ARID1B: variants seen among roughly 807,000 people sequenced by gnomAD.
ARID1B encodes the protein AT-rich interaction domain 1B, also known as AT-rich interactive domain-containing protein 1B.
ARID1B carries 30 observed loss-of-function variants against 212.3 expected under a neutral mutation model. That is an observed-to-expected ratio of 0.14 (90% confidence interval 0.11 to 0.19). ARID1B has a LOEUF of 0.19. ARID1B is among the 10% of genes least tolerant of loss of function. The pLI, the probability that ARID1B is intolerant of heterozygous loss-of-function variation, is 1.00. For synonymous variants in ARID1B, 1,402 were observed against 1,301.7 expected (o/e 1.08, Z -1.66); for missense variants, 2,891 against 3,204.0 (o/e 0.90, Z 2.36).
chr6:157,147,135 G>A (rs554649159), intron 7 of ARID1B, among the ~76,000 whole-genome samples: 1 of 151,914 alleles, frequency 6.6e-6, no homozygotes, highest in Non-Finnish European at 1.5e-5. Context: ...TGATTTACTT[G>A]AATCTATCTA....
intron 1 of ARID1B, among the ~76,000 whole-genome samples, chr6:156,787,806 G>T (rs1779745796): frequency 6.6e-6 from 1 of 152,038 alleles, no homozygotes; most frequent in African/African-American, 2.4e-5. Flanking sequence ...CTATGATGAG[G>T]CATCCTGACA....
intron 4 of ARID1B, among the ~76,000 whole-genome samples, chr6:156,964,959 C>G (rs1472845914): frequency 6.6e-6 from 1 of 152,168 alleles, no homozygotes; most frequent in Non-Finnish European, 1.5e-5. Flanking sequence ...CTCAAAGCCG[C>G]ATGATGGTTT....
intron 5 of ARID1B, among the ~76,000 whole-genome samples, chr6:157,101,511 T>G (rs1271574319): frequency 1.3e-5 from 2 of 152,186 alleles, no homozygotes; most frequent in Non-Finnish European, 2.9e-5. Context: ...TGAGGATGAT[T>G]GGCCAAGAAA....
rs557560602 is a variant in ARID1B, at chr6:157,184,217, G to A, written c.3715-14G>A. On this transcript the variant is annotated splice_polypyrimidine_tract_variant and intron_variant, in intron 12 of 19. Coordinates refer to ENST00000636930, the MANE Select transcript of ARID1B (RefSeq NM_001374828.1). Reference sequence around the variant, plus strand: ...TTTGTTGCAAACCAATGATCCTGCCGTGTTTTTCACTAGGTTAATAAAAAC... The same window carrying A: ...TTTGTTGCAAACCAATGATCCTGCCATGTTTTTCACTAGGTTAATAAAAAC... 85 of 1,592,914 alleles carry A rather than the reference G, an allele frequency of 5.3e-5. No individual in the cohort carries two copies. The highest frequency in any genetic ancestry group is 3.0e-4 in the South Asian group (27 of 88,850).
At chr6:157,185,528 C>T (rs1792913434) in intron 13 of ARID1B, 1 of 152,180 alleles carries the variant, frequency 6.6e-6, no homozygotes, top group East Asian at 1.9e-4. Context: ...TTTTAAAATC[C>T]ATGAGAAAAT....
chr6:156,862,059 G>C (rs1785370760), intron 2 of ARID1B, among the ~76,000 whole-genome samples: 1 of 152,242 alleles, frequency 6.6e-6, no homozygotes, highest in Non-Finnish European at 1.5e-5. Flanking sequence ...AGGGAAGACA[G>C]TGACGTTGCT....
intron 4 of ARID1B, among the ~76,000 whole-genome samples, chr6:157,057,589 C>T (rs1056587004): frequency 2.0e-5 from 3 of 152,062 alleles, no homozygotes; most frequent in Non-Finnish European, 2.9e-5. Context: ...ATGCTTGGCA[C>T]GTTATTTTGA....
intron 1 of ARID1B, among the ~76,000 whole-genome samples, chr6:156,788,273 T>C (rs1779780023): frequency 6.6e-6 from 1 of 152,126 alleles, no homozygotes; most frequent in Non-Finnish European, 1.5e-5. Context: ...TGCAAATACA[T>C]AGATTTTTGC....
chr6:156,784,281 C>G (rs1388747960), intron 1 of ARID1B, among the ~76,000 whole-genome samples: 1 of 152,140 alleles, frequency 6.6e-6, no homozygotes, highest in Non-Finnish European at 1.5e-5. Context: ...GAATCCCAAA[C>G]CCTGTTCCCT....
At chr6:157,164,777 C>T (rs1332038227) in intron 8 of ARID1B, 1 of 152,160 alleles carries the variant, frequency 6.6e-6, no homozygotes, top group African/African-American at 2.4e-5. Flanking sequence ...ATAGATGAAG[C>T]TAAGTGGAGA....
At chr6:156,983,094 CAA>C (rs373895831) in intron 4 of ARID1B, among the ~76,000 whole-genome samples, 7 of 109,128 alleles carry the variant, frequency 6.4e-5, no homozygotes, top group Non-Finnish European at 5.8e-5. Flanking sequence ...GACCCTGTCT[CAA>C]AAAAAAAAAA....
At chr6:157,020,550 G>C (rs1583159531) in intron 4 of ARID1B, among the ~76,000 whole-genome samples, 1 of 152,244 alleles carries the variant, frequency 6.6e-6, no homozygotes, top group Non-Finnish European at 1.5e-5. Flanking sequence ...TTTTCTTTCT[G>C]ATGCTGTTGG....
rs1778942165 is a variant in ARID1B, at chr6:156,778,956, G to A, written c.1276G>A (p.Ala426Thr). 2 of 1,287,870 alleles carry A rather than the reference G, an allele frequency of 1.6e-6. No homozygotes were observed. Among genetic ancestry groups the A allele is most frequent in the South Asian group, 3.0e-5 (1 of 33,104 alleles). 79.8% of individuals were successfully genotyped at this position (1,287,870 alleles called of 1,614,324 possible). A position where few individuals can be genotyped will look rare whatever the true frequency, so the allele number is the denominator to read the frequency against. ...GAGAGAVAAA[A>T]AAAAAAAGGG... is the part of the protein sequence containing the mutation. The stretch of plus-strand genomic sequence containing the variant: ...AGGAGCGGGAGCTGTGGCGGCGGCG[G>A]CCGCGGCGGCGGCGGCAGCAGCAGG... The change falls in exon 1 of 20, where the codon GCC (alanine) becomes ACC (threonine). Residue 426 changes from alanine (A) to threonine (T), a missense_variant. Coordinates refer to ENST00000636930, the MANE Select transcript of ARID1B (RefSeq NM_001374828.1).
At chr6:156,926,106 G>A (rs1375283170) in intron 3 of ARID1B, among the ~76,000 whole-genome samples, 1 of 152,200 alleles carries the variant, frequency 6.6e-6, no homozygotes, top group Non-Finnish European at 1.5e-5. Context: ...TGGTGAAATA[G>A]GACACCAGGC....
chr6:157,142,585 C>T (rs1789445737), intron 7 of ARID1B, among the ~76,000 whole-genome samples: 1 of 152,136 alleles, frequency 6.6e-6, no homozygotes, highest in South Asian at 2.1e-4. Context: ...GGGATCACGT[C>T]ACTGCACTCC....
chr6:156,956,345 A>C (rs920725070), intron 4 of ARID1B, among the ~76,000 whole-genome samples: 6 of 152,164 alleles, frequency 3.9e-5, no homozygotes, highest in African/African-American at 1.4e-4. Flanking sequence ...AGTTCTGGGC[A>C]TGGGAACCTG....
intron 4 of ARID1B, among the ~76,000 whole-genome samples, chr6:156,962,380 A>G (rs1369721941): frequency 1.3e-5 from 2 of 152,224 alleles, no homozygotes. Flanking sequence ...GTTATTTCTA[A>G]AAAGCTGTGT....
intron 1 of ARID1B, among the ~76,000 whole-genome samples, chr6:156,787,798 A>G (rs1344021369): frequency 1.3e-5 from 2 of 152,148 alleles, no homozygotes; most frequent in African/African-American, 4.8e-5. Context: ...ATAAGCTTCT[A>G]TGATGAGGCA....
chr6:156,849,625 A>G (rs1784452556), intron 2 of ARID1B, among the ~76,000 whole-genome samples: 1 of 152,238 alleles, frequency 6.6e-6, no homozygotes. Flanking sequence ...CAGAGAGCAG[A>G]CAATCACATT....
Sources: gnomAD v4.1 joint callset for allele counts (sites outside exome capture counted in the v4.1 genomes callset) on GRCh38, gnomAD v4.1.1 for gene constraint, MANE v1.5 for transcripts, NCBI Gene and HGNC (gene_info 2026-07-23, HGNC 2026-07-21) for gene names.